KANSL1: variants seen among roughly 807,000 people sequenced by gnomAD.
The protein encoded by KANSL1 is KAT8 regulatory NSL complex subunit 1.
A neutral mutation model predicts 103.6 loss-of-function variants in KANSL1; 22 were observed. The ratio of observed to expected loss-of-function variants is 0.21; its 90% CI spans 0.15 to 0.30. The LOEUF is 0.30. Among genes scored for constraint, KANSL1 ranks in the 10% least tolerant of loss-of-function variants. The pLI, the probability that KANSL1 is intolerant of heterozygous loss-of-function variation, is 1.00. For missense variants in KANSL1, 1,337 were observed against 1,399.8 expected (o/e 0.96, Z 0.72); for synonymous variants, 600 against 527.6 (o/e 1.14, Z -1.88).
At chr17:46,198,876 A>G (rs553691234), upstream of KANSL1, among the ~76,000 whole-genome samples, 2 of 152,386 alleles carry the variant, frequency 1.3e-5, no homozygotes, top group South Asian at 2.1e-4. Context: ...GCCACATTAA[A>G]TACTTCAAAT....
At position 46,171,334 on chromosome 17, in the gene KANSL1, C is replaced by T. The variant is rs762766030; in HGVS notation, c.810G>A (p.Leu270=). ...GVKLEGKKSP[L]SSILFSALDS... is the part of the protein sequence containing the mutation. ...CTAAAGCACTGAAAAGAATGGAAGA[C>T]AGGGGAGACTTTTTACCCTCCAATT... Residue 270 remains leucine (L), a synonymous_variant, in exon 2 of 15, where the codon CTG becomes CTA. Transcript: ENST00000432791. 4.3e-6 allele frequency: 7 copies of T among 1,614,032 alleles called. No individual in the cohort carries two copies. Among genetic ancestry groups the T allele is most frequent in the African/African-American group, 4.0e-5 (3 of 74,890 alleles).
intron 7 of KANSL1, among the ~76,000 whole-genome samples, chr17:46,048,399 C>G (rs982098330): frequency 6.6e-6 from 1 of 151,832 alleles, no homozygotes; most frequent in African/African-American, 2.4e-5. Flanking sequence ...AAAACCCCAT[C>G]TCTACTAAAA....
chr17:46,206,602 G>A (rs553938695), intron 1 of KANSL1, among the ~76,000 whole-genome samples: 1 of 152,312 alleles, frequency 6.6e-6, no homozygotes, highest in South Asian at 2.1e-4. Context: ...ACCATGCTGG[G>A]ACAACTGAAT....
intron 1 of KANSL1, among the ~76,000 whole-genome samples, chr17:46,181,364 C>T (rs2046782094): frequency 6.6e-6 from 1 of 152,180 alleles, no homozygotes; most frequent in African/African-American, 2.4e-5. Flanking sequence ...CTGACTAGTG[C>T]CTCAGTGCCC....
chr17:46,144,534 C>G (rs1052027506), intron 2 of KANSL1, among the ~76,000 whole-genome samples: 17 of 152,172 alleles, frequency 1.1e-4, no homozygotes, highest in African/African-American at 4.1e-4. Flanking sequence ...GACGTCAGGA[C>G]AAGTTCTGGT....
In KANSL1 at chr17:46,033,271, C is replaced by T. The variant is rs533501862; in HGVS notation, c.2725-79G>A. On this transcript the variant is annotated intron_variant, in intron 12 of 14. Coordinates refer to ENST00000432791, the MANE Select transcript of KANSL1 (RefSeq NM_015443.4). ...GTCCCACCCCATTCTAGGTTCTTCC[C>T]GGTCACGACAGGAATACAAGGAGCT... 57 of 1,436,218 alleles carry T rather than the reference C, an allele frequency of 4.0e-5. No homozygotes were observed. In the East Asian group the frequency reaches 9.7e-4, roughly 24 times the overall value. The allele number at this position is 1,436,218 out of a possible 1,614,324, so 89.0% of individuals were successfully genotyped here.
intron 6 of KANSL1, among the ~76,000 whole-genome samples, chr17:46,050,963 T>C (rs1259578209): frequency 6.6e-6 from 1 of 152,248 alleles, no homozygotes; most frequent in Non-Finnish European, 1.5e-5. Context: ...CTTGAAGCTC[T>C]AAGTGCTTAC....
At chr17:46,218,944 C>T (rs1315470884) in intron 1 of KANSL1, among the ~76,000 whole-genome samples, 7 of 152,048 alleles carry the variant, frequency 4.6e-5, no homozygotes, top group Admixed American at 4.6e-4. Context: ...TTAAGAAAAT[C>T]GCCCAAAGTC....
rs1431214600 is a variant in KANSL1, at chr17:46,039,818, T to C, written c.2087A>G (p.Lys696Arg). 6.2e-7 allele frequency: 1 copy of C among 1,614,174 alleles called. No homozygotes were observed. The highest frequency in any genetic ancestry group is 1.1e-5 in the South Asian group (1 of 91,076). The part of the protein sequence containing the change: ...KSQWQNKPFD[K>R]IKPPKKLSLK... ...CGATAACTTTTTGGGAGGTTTGATT[T>C]TGTCAAAAGGCTTGTTCTGCCACTG... Residue 696 changes from lysine to arginine, a missense_variant, in exon 8 of 15, where the codon AAA becomes AGA. Around this residue, in one of 2 missense-constraint regions of KANSL1, gnomAD observed 780 missense variants for 923.4 expected, o/e 0.84. Coordinates refer to ENST00000432791, the MANE Select transcript of KANSL1 (RefSeq NM_015443.4).
chr17:46,130,514 T>TA (rs1598706283), intron 2 of KANSL1, among the ~76,000 whole-genome samples: 1 of 149,812 alleles, frequency 6.7e-6, no homozygotes, highest in Admixed American at 6.7e-5. Flanking sequence ...TTTGGAATTG[T>TA]AAAAGGCTGT....
intron 2 of KANSL1, among the ~76,000 whole-genome samples, chr17:46,133,280 C>T (rs1357470919): frequency 3.3e-5 from 5 of 152,298 alleles, no homozygotes; most frequent in South Asian, 2.1e-4. Flanking sequence ...ACCAAGCACA[C>T]GCCCAGACTT....
rs36102082 is a variant in KANSL1, at chr17:46,046,840, T to TAAAA, written c.2020+3689_2020+3692dup. ...TGACAGAGCAAAACTGTCTCAAAAGTAAAAAAAAAAAAAAAAAAAGAATTT... is the reference window on the plus strand; with the variant it reads ...TGACAGAGCAAAACTGTCTCAAAAGTAAAAAAAAAAAAAAAAAAAAAAAGAATTT... On this transcript the variant is annotated intron_variant, in intron 7 of 14. Coordinates refer to ENST00000432791, the MANE Select transcript of KANSL1 (RefSeq NM_015443.4). Among the ~76,000 whole-genome samples the TAAAA allele has an allele frequency of 2.2e-3, 256 of 118,672 alleles. 4 individuals carry two copies. Among genetic ancestry groups the TAAAA allele is most frequent in the Admixed American group, 4.0e-3 (44 of 11,004 alleles). The allele number at this position is 118,672 out of a possible 152,430, so 77.9% of individuals were successfully genotyped here. A position where few individuals can be genotyped will look rare whatever the true frequency, so the allele number is the denominator to read the frequency against.
chr17:46,214,615 T>C lies in KANSL1; in HGVS notation c.-90+9056A>G, dbSNP rs1409476530. On this transcript the variant is annotated intron_variant, in intron 1 of 14. Coordinates refer to the KANSL1 transcript ENST00000572904. Reference sequence around the variant, plus strand: ...GTTGCAGTGAGCCGAGATCGCGCCGTTGCGCTCCAGCCTGGGCAACAAAGA... The same window carrying C: ...GTTGCAGTGAGCCGAGATCGCGCCGCTGCGCTCCAGCCTGGGCAACAAAGA... Among the ~76,000 whole-genome samples the C allele has an allele frequency of 6.6e-5, 10 of 152,218 alleles. No individual in the cohort carries two copies. The East Asian group carries it at 1.5e-3, about 24-fold the overall frequency.
chr17:46,118,402 A>C (rs755735973), intron 2 of KANSL1, among the ~76,000 whole-genome samples: 3 of 152,198 alleles, frequency 2.0e-5, no homozygotes, highest in Non-Finnish European at 4.4e-5. Flanking sequence ...AATCATCCCT[A>C]ATCTGAAAGC....
intron 2 of KANSL1, among the ~76,000 whole-genome samples, chr17:46,151,689 A>C (rs908513078): frequency 1.3e-5 from 2 of 152,266 alleles, no homozygotes; most frequent in African/African-American, 4.8e-5. Context: ...AAATTGATGA[A>C]TAACATTTGT....
chr17:46,089,118 T>C (rs1317212782), intron 3 of KANSL1, among the ~76,000 whole-genome samples: 2 of 152,236 alleles, frequency 1.3e-5, no homozygotes, highest in African/African-American at 2.4e-5. Context: ...CTTTAATTAG[T>C]ATACACTCAA....
At chr17:46,074,468 G>A (rs1346056724) in intron 4 of KANSL1, among the ~76,000 whole-genome samples, 4 of 152,028 alleles carry the variant, frequency 2.6e-5, no homozygotes, top group African/African-American at 9.7e-5. Context: ...AGCAATAATT[G>A]CTGTAGGAAA....
chr17:46,194,710 C>A (rs2047546810), upstream of KANSL1, among the ~76,000 whole-genome samples: 1 of 152,204 alleles, frequency 6.6e-6, no homozygotes, highest in Non-Finnish European at 1.5e-5. Flanking sequence ...TATGTATGCT[C>A]TACTACCAAA....
chr17:46,126,257 C>T (rs977307735), intron 2 of KANSL1, among the ~76,000 whole-genome samples: 1 of 152,098 alleles, frequency 6.6e-6, no homozygotes, highest in East Asian at 1.9e-4. Context: ...GCCTGGCCAA[C>T]GTGGTGAAAT....
Sources: gnomAD v4.1 joint callset for allele counts (sites outside exome capture counted in the v4.1 genomes callset) on GRCh38, gnomAD v4.1.1 for gene constraint, gnomAD v4.1.1 regional missense constraint, MANE v1.5 for transcripts, NCBI Gene and HGNC (gene_info 2026-07-23, HGNC 2026-07-21) for gene names.